The following CNBD1 variants were observed in gnomAD, a reference collection of about 807,000 sequenced individuals.
CNBD1 encodes cyclic nucleotide-binding domain-containing protein 1.
A neutral mutation model predicts 54.4 loss-of-function variants in CNBD1; 71 were observed. The observed-to-expected ratio is 1.30, with a 90% CI of 1.08 to 1.59. The LOEUF (loss-of-function observed/expected upper bound fraction) is 1.59, where lower values mean the gene tolerates loss of function less well. CNBD1 is among the 40% of genes most tolerant of loss of function. The pLI is 0.00. For synonymous variants in CNBD1, 182 were observed against 170.7 expected (o/e 1.07, Z -0.51); for missense variants, 659 against 518.0 (o/e 1.27, Z -2.64).
At chr8:86,917,222 A>G (rs1809201491) in intron 3 of CNBD1, among the ~76,000 whole-genome samples, 2 of 152,216 alleles carry the variant, frequency 1.3e-5, no homozygotes, top group African/African-American at 4.8e-5. Context: ...CTTGAACTAC[A>G]TATTAGAATC....
intron 8 of CNBD1, among the ~76,000 whole-genome samples, chr8:87,305,568 A>G (rs1052150301): frequency 6.6e-6 from 1 of 152,192 alleles, no homozygotes; most frequent in East Asian, 1.9e-4. Context: ...ACATAGACCC[A>G]TGGAACAGAA....
At chr8:87,353,831 T>A in intron 10 of CNBD1, 45 bp downstream of exon 10, 2 of 1,473,150 alleles carry the variant, frequency 1.4e-6, no homozygotes, top group Non-Finnish European at 1.8e-6. Flanking sequence ...TTTTATTGGA[T>A]GAGTTCTTAA....
At chr8:87,378,983 G>T (rs1335116834) in intron 10 of CNBD1, among the ~76,000 whole-genome samples, 1 of 149,444 alleles carries the variant, frequency 6.7e-6, no homozygotes, top group Non-Finnish European at 1.5e-5. Context: ...AGGAATGCTT[G>T]TGATTTTTGC....
At chr8:87,082,563 T>C (rs1481531723) in intron 4 of CNBD1, among the ~76,000 whole-genome samples, 4 of 152,234 alleles carry the variant, frequency 2.6e-5, no homozygotes, top group East Asian at 3.9e-4. Flanking sequence ...AATGTTTGAA[T>C]GGTATAGTTT....
intron 10 of CNBD1, among the ~76,000 whole-genome samples, chr8:87,357,935 A>G (rs902089107): frequency 1.3e-5 from 2 of 152,138 alleles, no homozygotes; most frequent in African/African-American, 4.8e-5. Flanking sequence ...CATGATAATG[A>G]GTGAGTTGTT....
Position 87,182,381 on chromosome 8 carries a change from A to C in CNBD1, c.432-23612A>C, listed in dbSNP as rs987684099. Among the ~76,000 whole-genome samples, 1 of 152,150 alleles carries C rather than the reference A, an allele frequency of 6.6e-6. No individual in the cohort carries two copies. The highest frequency in any genetic ancestry group is 2.4e-5 in the African/African-American group (1 of 41,430). ...TATGTGTGCATGTCTTTATGGTAGA[A>C]TTATTTATATTCCTTTGGGTATATA... On this transcript the variant is annotated intron_variant, in intron 4 of 10. Transcript: ENST00000518476. This position sits in a 1 kb window ranked among gnomAD's most constrained non-coding sequence, Gnocchi z 4.1.
chr8:87,209,214 T>C (rs1814041359), intron 5 of CNBD1, among the ~76,000 whole-genome samples: 1 of 152,054 alleles, frequency 6.6e-6, no homozygotes, highest in African/African-American at 2.4e-5. Flanking sequence ...AAAGAATTAA[T>C]ATCAATTATT....
At chr8:87,386,082 GA>G (rs1811178675), downstream of CNBD1, among the ~76,000 whole-genome samples, 1 of 151,906 alleles carries the variant, frequency 6.6e-6, no homozygotes, top group African/African-American at 2.4e-5. Context: ...AAAACTAACA[GA>G]AAGGACATCC....
intron 2 of CNBD1, among the ~76,000 whole-genome samples, chr8:87,403,853 G>A (rs76064864): frequency 0.027 from 4,127 of 151,990 alleles, 74 homozygotes; most frequent in Non-Finnish European, 0.043. Flanking sequence ...TGCATTTCAC[G>A]TAAGGAAAAA....
chr8:87,010,756 A>G (rs1198146553), intron 4 of CNBD1, among the ~76,000 whole-genome samples: 1 of 152,176 alleles, frequency 6.6e-6, no homozygotes, highest in African/African-American at 2.4e-5. Context: ...AAAATGGAAA[A>G]CAAAAAACTC....
At chr8:87,324,384 G>T (rs1214265433) in intron 8 of CNBD1, among the ~76,000 whole-genome samples, 2 of 127,332 alleles carry the variant, frequency 1.6e-5, no homozygotes, top group Non-Finnish European at 3.5e-5. Flanking sequence ...AATGGTACCA[G>T]TTCCTCCTTG....
intron 8 of CNBD1, among the ~76,000 whole-genome samples, chr8:87,333,005 G>A (rs998234618): frequency 2.0e-5 from 3 of 152,038 alleles, no homozygotes; most frequent in African/African-American, 2.4e-5. Flanking sequence ...CATCTATGAG[G>A]ATGGAATGTT....
intron 4 of CNBD1, among the ~76,000 whole-genome samples, chr8:87,027,064 G>A (rs1809663375): frequency 6.6e-6 from 1 of 151,780 alleles, no homozygotes; most frequent in African/African-American, 2.4e-5. Context: ...AAATACTTTG[G>A]GCTTAACTTA....
At chr8:87,100,247 A>G (rs1315797561) in intron 4 of CNBD1, among the ~76,000 whole-genome samples, 2 of 152,204 alleles carry the variant, frequency 1.3e-5, no homozygotes, top group Non-Finnish European at 2.9e-5. Flanking sequence ...CCTTGTTGTC[A>G]TGCTAGCTAA....
At chr8:87,303,567 A>G (rs1443032326) in intron 8 of CNBD1, among the ~76,000 whole-genome samples, 4 of 152,216 alleles carry the variant, frequency 2.6e-5, no homozygotes, top group African/African-American at 7.2e-5. Context: ...CATTCAGGAC[A>G]TAGGCATGGG....
chr8:86,940,428 C>CGGCCTG (rs1447270529), intron 4 of CNBD1, among the ~76,000 whole-genome samples: 1 of 152,048 alleles, frequency 6.6e-6, no homozygotes, highest in Non-Finnish European at 1.5e-5. Context: ...CGGCCTCCCT[C>CGGCCTG]GGCCTGGGAT....
At chr8:87,091,500 C>T (rs767664776) in intron 4 of CNBD1, among the ~76,000 whole-genome samples, 6 of 152,126 alleles carry the variant, frequency 3.9e-5, no homozygotes, top group Non-Finnish European at 8.8e-5. Flanking sequence ...CATCTAATAG[C>T]CCTGTGCTCA....
At chr8:87,349,433 T>A (rs1206150171) in intron 8 of CNBD1, among the ~76,000 whole-genome samples, 1 of 152,168 alleles carries the variant, frequency 6.6e-6, no homozygotes, top group African/African-American at 2.4e-5. Flanking sequence ...GGGAGTGCAG[T>A]GTCATGAGCT....
rs868134201 is a variant in CNBD1, at chr8:86,953,588, C to G, written c.431+13834C>G. Among the ~76,000 whole-genome samples the G allele has an allele frequency of 2.6e-5, 4 of 152,236 alleles. No individual in the cohort carries two copies. In the South Asian group the frequency reaches 8.3e-4, roughly 32 times the overall value. On this transcript the variant is annotated intron_variant, in intron 4 of 10. Transcript: ENST00000518476. ...CTTACTCCAACAATCCTATGCAGGC[C>G]GAGCACGGTGGCTCATGCCTGTAAT... is the stretch of plus-strand genomic sequence containing the variant.
Sources: allele counts gnomAD v4.1 joint callset (sites outside exome capture counted in the v4.1 genomes callset), GRCh38; gene constraint gnomAD v4.1.1; non-coding constraint Gnocchi (gnomAD v3.1); transcripts MANE v1.5; gene names NCBI Gene and HGNC (gene_info 2026-07-23, HGNC 2026-07-21).